SYT7: variants seen among roughly 807,000 people sequenced by gnomAD.
The protein encoded by SYT7 is synaptotagmin-7.
Under a neutral mutation model 75.1 loss-of-function variants are expected in SYT7, and 29 were observed. The observed-to-expected ratio is 0.39, with a 90% CI of 0.29 to 0.53. The LOEUF (loss-of-function observed/expected upper bound fraction) is 0.53. Among genes scored for constraint, SYT7 ranks in the 20% least tolerant of loss-of-function variants. The pLI, the probability that SYT7 is intolerant of heterozygous loss-of-function variation, is 0.77. For missense variants in SYT7, 693 were observed against 953.2 expected (o/e 0.73, Z 3.59); for synonymous variants, 376 against 401.7 (o/e 0.94, Z 0.76).
At chr11:61,535,029 C>T (rs959044754) in intron 7 of SYT7, among the ~76,000 whole-genome samples, 1 of 152,170 alleles carries the variant, frequency 6.6e-6, no homozygotes, top group African/African-American at 2.4e-5. Context: ...AGCGTCGGCA[C>T]AGCTGCCAAG....
chr11:61,564,947 AGAG>A (rs538571707), intron 1 of SYT7, among the ~76,000 whole-genome samples: 19 of 152,198 alleles, frequency 1.2e-4, no homozygotes, highest in Non-Finnish European at 2.2e-4. Context: ...AGGAGTGGGA[AGAG>A]GAGGACAATG....
intron 5 of SYT7, among the ~76,000 whole-genome samples, chr11:61,544,397 T>C (rs2135256794): frequency 6.6e-6 from 1 of 151,928 alleles, no homozygotes; most frequent in Middle Eastern, 3.4e-3. Context: ...AAGAGTATAG[T>C]AAAGAGAGAG....
chr11:61,528,662 A>G (rs1421146873), intron 8 of SYT7, among the ~76,000 whole-genome samples: 3 of 152,172 alleles, frequency 2.0e-5, no homozygotes, highest in Non-Finnish European at 4.4e-5. Context: ...TTACCGCAAC[A>G]ATTCTTTGGA....
chr11:61,533,943 G>C (rs558013038), intron 7 of SYT7, among the ~76,000 whole-genome samples: 4 of 152,068 alleles, frequency 2.6e-5, no homozygotes, highest in Non-Finnish European at 5.9e-5. Context: ...ACAGAAAGAC[G>C]GGCACCACCG....
intron 1 of SYT7, among the ~76,000 whole-genome samples, chr11:61,557,983 T>C (rs560066272): frequency 6.4e-4 from 97 of 152,354 alleles, no homozygotes; most frequent in African/African-American, 2.3e-3. Flanking sequence ...GCAAAGGCGC[T>C]TTCTGGACAT....
chr11:61,523,688 T>G lies in SYT7; in HGVS notation c.1756+139A>C. 2 of 884,758 alleles carry G rather than the reference T, an allele frequency of 2.3e-6. No individual in the cohort carries two copies. Among genetic ancestry groups the G allele is most frequent in the South Asian group, 1.6e-5 (1 of 64,058 alleles). 54.8% of individuals were successfully genotyped at this position (884,758 alleles called of 1,614,324 possible). ...AAGGGGGGCCCCAGGGTCTCTAGGG[T>G]AAGGAGTGAGGACTGGAGGTCGGGG... On this transcript the variant is annotated intron_variant, in intron 11 of 12. Transcript: ENST00000539008. This position sits in a 1 kb window ranked among gnomAD's most constrained non-coding sequence, Gnocchi z 5.0.
chr11:61,574,137 A>G (rs1011314772), intron 1 of SYT7, among the ~76,000 whole-genome samples: 5 of 152,206 alleles, frequency 3.3e-5, no homozygotes, highest in Admixed American at 2.0e-4. Flanking sequence ...CCACACATCA[A>G]TTGCTTGGTA....
rs1438244547 is a variant in SYT7, at chr11:61,546,937, TC to T, written c.347+239del. Among the ~76,000 whole-genome samples the T allele has an allele frequency of 6.6e-6, 1 of 151,902 alleles. No individual in the cohort carries two copies. Among genetic ancestry groups the T allele is most frequent in the Non-Finnish European group, 1.5e-5 (1 of 67,954 alleles). On this transcript the variant is annotated intron_variant, in intron 4 of 12. Transcript: ENST00000539008. The surrounding 1 kb of genome is among the most constrained non-coding windows in gnomAD (Gnocchi z 7.6). Reference sequence around the variant, plus strand: ...CCAGGTATGGCTGCCGAGGGGGCTCTCCTGCAAGGCTGGCCCTGGGGGAGGG... The same window carrying T: ...CCAGGTATGGCTGCCGAGGGGGCTCTCTGCAAGGCTGGCCCTGGGGGAGGG...
intron 1 of SYT7, among the ~76,000 whole-genome samples, chr11:61,558,681 C>A (rs747401830): frequency 3.9e-5 from 6 of 152,102 alleles, no homozygotes; most frequent in Admixed American, 3.3e-4. Flanking sequence ...AGCAGGACAC[C>A]CAGCCAGGGG....
Position 61,546,051 on chromosome 11 carries a change from T to C in SYT7, c.552A>G (p.Ala184=). The change falls in exon 5 of 13, where the codon GCA becomes GCG. Residue 184 remains alanine (A), a synonymous_variant. Transcript: ENST00000539008. The surrounding 1 kb of genome is among the most constrained non-coding windows in gnomAD (Gnocchi z 7.6). ...RWRTVQSHLA[A]GKLNLSNFED... Reference sequence around the variant, plus strand: ...CTCACTTGGACAAGTTGAGCTTCCCTGCGGCCAGGTGGCTCTGCACCGTCC... The same window carrying C: ...CTCACTTGGACAAGTTGAGCTTCCCCGCGGCCAGGTGGCTCTGCACCGTCC... 6.5e-7 allele frequency: 1 copy of C among 1,533,360 alleles called. No homozygotes were observed. Among genetic ancestry groups the C allele is most frequent in the Non-Finnish European group, 8.7e-7 (1 of 1,145,724 alleles). 95.0% of individuals were successfully genotyped at this position (1,533,360 alleles called of 1,614,324 possible).
At chr11:61,568,128 C>T (rs948479602) in intron 1 of SYT7, among the ~76,000 whole-genome samples, 4 of 152,278 alleles carry the variant, frequency 2.6e-5, no homozygotes, top group East Asian at 1.9e-4. Context: ...TGCCCATACC[C>T]GCCCCAGGAA....
In SYT7 at chr11:61,518,486, G is replaced by T; in HGVS notation, c.*141C>A. 1 of 549,880 alleles carries T rather than the reference G, an allele frequency of 1.8e-6. No individual in the cohort carries two copies. The highest frequency in any genetic ancestry group is 3.1e-6 in the Non-Finnish European group (1 of 319,768). The allele number at this position is 549,880 out of a possible 1,614,324, so 34.1% of individuals were successfully genotyped here. ...CTTCCTAGAAACGGGGCCCAGTTGA[G>T]TCCTGGGACCCCTCCCTGGCTGAGC... On this transcript the variant is annotated 3_prime_UTR_variant, in exon 13 of 13. Transcript: ENST00000539008.
Position 61,551,529 on chromosome 11 carries a change from A to T in SYT7, c.136-66T>A. ...TGTACCCTCCCTACCTCCCCAGAAC[A>T]GGGACCCGGAGGGGAAGGAGATAGA... On this transcript the variant is annotated intron_variant, in intron 2 of 12. Transcript: ENST00000539008. The surrounding 1 kb of genome is among the most constrained non-coding windows in gnomAD (Gnocchi z 5.3). 6.7e-7 allele frequency: 1 copy of T among 1,490,232 alleles called. No individual in the cohort carries two copies. Among genetic ancestry groups the T allele is most frequent in the Non-Finnish European group, 9.3e-7 (1 of 1,074,766 alleles). The allele number at this position is 1,490,232 out of a possible 1,614,324, so 92.3% of individuals were successfully genotyped here.
intron 2 of SYT7, among the ~76,000 whole-genome samples, chr11:61,554,499 A>G (rs934139352): frequency 6.6e-6 from 1 of 152,082 alleles, no homozygotes; most frequent in African/African-American, 2.4e-5. Flanking sequence ...CCTCAAAGTC[A>G]ACACATTCAG....
rs566204164 is a variant in SYT7 at position 61,527,994 on chromosome 11, G to C, written c.1392C>G (p.Pro464=). The C allele has an allele frequency of 1.2e-6, 2 of 1,614,036 alleles. No individual in the cohort carries two copies. Among genetic ancestry groups the C allele is most frequent in the African/African-American group, 1.3e-5 (1 of 74,904 alleles). Reference sequence around the variant, plus strand: ...TGGTCTCCAGCTTGTGCTTCTTGTCGGGCAGCAGGTAGATCTTGACGAAGG... The same window carrying C: ...TGGTCTCCAGCTTGTGCTTCTTGTCCGGCAGCAGGTAGATCTTGACGAAGG... ...SDPFVKIYLL[P]DKKHKLETKV... Residue 464 remains proline (P), a synonymous_variant, in exon 9 of 13, where the codon CCC becomes CCG. Transcript: ENST00000539008.
At chr11:61,537,611 T>C (rs2062903856) in intron 7 of SYT7, among the ~76,000 whole-genome samples, 1 of 151,838 alleles carries the variant, frequency 6.6e-6, no homozygotes, top group Non-Finnish European at 1.5e-5. Flanking sequence ...TCTGGTTATT[T>C]CTGGTCACCA....
intron 6 of SYT7, 88 bp from the exon 7 acceptor site, chr11:61,538,354 A>AGAGAGAGC: frequency 3.2e-6 from 2 of 619,478 alleles, no homozygotes; most frequent in South Asian, 4.8e-5. Context: ...AGGGAGAGAG[A>AGAGAGAGC]GAGAGAGAGA....
chr11:61,533,174 T>C, intron 7 of SYT7, 50 bp from the exon 8 acceptor site: 1 of 1,511,178 alleles, frequency 6.6e-7, no homozygotes, highest in Non-Finnish European at 8.8e-7. Flanking sequence ...TGAGCTGCGT[T>C]GGGCACCCCG....
At chr11:61,534,891 G>T (rs2062822519) in intron 7 of SYT7, among the ~76,000 whole-genome samples, 1 of 152,230 alleles carries the variant, frequency 6.6e-6, no homozygotes, top group African/African-American at 2.4e-5. Context: ...CGGGCAGGCA[G>T]GGGGAAGGAA....
Sources: allele counts gnomAD v4.1 joint callset (sites outside exome capture counted in the v4.1 genomes callset), GRCh38; gene constraint gnomAD v4.1.1; non-coding constraint Gnocchi (gnomAD v3.1); transcripts MANE v1.5; gene names NCBI Gene and HGNC (gene_info 2026-07-23, HGNC 2026-07-21).